Variants in RNLS observed in about 807,000 individuals in gnomAD.
RNLS encodes renalase.
Under a neutral mutation model 39.8 loss-of-function variants are expected in RNLS, and 39 were observed. The observed-to-expected ratio is 0.98, with a 90% CI of 0.76 to 1.28. RNLS has a LOEUF of 1.28. Among genes scored for constraint, RNLS ranks in the 50% most tolerant of loss-of-function variants. RNLS has a pLI of 0.00. For synonymous variants in RNLS, 147 were observed against 150.7 expected, an observed-to-expected ratio of 0.98 and a Z score of 0.18; for missense variants, 410 against 413.3, an observed-to-expected ratio of 0.99 and a Z score of 0.07.
At chr10:88,548,476 T>G (rs1267441328) in intron 4 of RNLS, among the ~76,000 whole-genome samples, 1 of 147,702 alleles carries the variant, frequency 6.8e-6, no homozygotes, top group Admixed American at 6.7e-5. Context: ...CTATCTCTAC[T>G]AAAAATACAA....
chr10:88,564,680 T>G (rs185748270), intron 4 of RNLS, among the ~76,000 whole-genome samples: 2 of 152,098 alleles, frequency 1.3e-5, no homozygotes, highest in Non-Finnish European at 1.5e-5. Flanking sequence ...TAGCATTACT[T>G]TGAGGATTAA....
intron 4 of RNLS, among the ~76,000 whole-genome samples, chr10:88,460,397 C>T (rs1405651045): frequency 6.6e-6 from 1 of 152,128 alleles, no homozygotes; most frequent in Non-Finnish European, 1.5e-5. Flanking sequence ...GTCTCCTACT[C>T]ATCCTTTAGT....
chr10:88,482,498 T>C (rs1185454586), intron 4 of RNLS, among the ~76,000 whole-genome samples: 1 of 152,186 alleles, frequency 6.6e-6, no homozygotes. Flanking sequence ...TTTAATTCTT[T>C]TTTCTTTTTA....
chr10:88,315,038 T>C (rs1845653928), intron 5 of RNLS, among the ~76,000 whole-genome samples: 3 of 152,208 alleles, frequency 2.0e-5, no homozygotes, highest in African/African-American at 7.2e-5. Context: ...GAGAACAAAG[T>C]ATATATTCAA....
At chr10:88,271,977 C>T (rs1842661853), downstream of RNLS, among the ~76,000 whole-genome samples, 1 of 152,118 alleles carries the variant, frequency 6.6e-6, no homozygotes, top group Admixed American at 6.6e-5. Context: ...GAGACTTTAC[C>T]ATCTGTGCAA....
At chr10:88,295,640 A>C (rs1844035152) in intron 6 of RNLS, among the ~76,000 whole-genome samples, 1 of 152,160 alleles carries the variant, frequency 6.6e-6, no homozygotes, top group Admixed American at 6.6e-5. Flanking sequence ...TGAAGAAAGC[A>C]ATGTGGTTTG....
chr10:88,348,745 A>G (rs974177047), intron 5 of RNLS, among the ~76,000 whole-genome samples: 1 of 152,182 alleles, frequency 6.6e-6, no homozygotes, highest in Non-Finnish European at 1.5e-5. Context: ...TAAATGTTCC[A>G]TAGCCCTCAT....
chr10:88,178,586 T>G, the RNLS span, among the ~76,000 whole-genome samples: 1 of 152,246 alleles, frequency 6.6e-6, no homozygotes, highest in Non-Finnish European at 1.5e-5. Flanking sequence ...TTTGCTTCCC[T>G]CTCTATGCTG....
intron 4 of RNLS, among the ~76,000 whole-genome samples, chr10:88,485,671 C>G (rs1305904576): frequency 1.3e-5 from 2 of 148,702 alleles, no homozygotes; most frequent in Admixed American, 1.3e-4. Flanking sequence ...CGAATATGAG[C>G]CATTTGCAGT....
At chr10:88,386,919 A>C (rs1851892741) in intron 4 of RNLS, among the ~76,000 whole-genome samples, 1 of 152,238 alleles carries the variant, frequency 6.6e-6, no homozygotes. Flanking sequence ...TGTAAAGCCC[A>C]GTGAGGTTCC....
At chr10:88,548,865 A>C (rs1474869051) in intron 4 of RNLS, among the ~76,000 whole-genome samples, 3 of 152,062 alleles carry the variant, frequency 2.0e-5, no homozygotes, top group Non-Finnish European at 4.4e-5. Flanking sequence ...CAAAACTGTC[A>C]CATTATAACA....
At chr10:88,234,648 C>T in the RNLS span, among the ~76,000 whole-genome samples, 1 of 152,132 alleles carries the variant, frequency 6.6e-6, no homozygotes, top group Non-Finnish European at 1.5e-5. Flanking sequence ...GGTTCAACAC[C>T]CTGTGCTCAG....
At position 88,443,035 on chromosome 10, in the gene RNLS, T is replaced by A. The variant is rs563622697; in HGVS notation, c.527-80310A>T. On this transcript the variant is annotated intron_variant, in intron 4 of 6. Transcript: ENST00000331772. The stretch of plus-strand genomic sequence containing the variant: ...ATGACTTTAGAAACTTCAGTCTCAT[T>A]TTCCCTCTCAACTTCCACATCCAAC... Among the ~76,000 whole-genome samples the A allele has an allele frequency of 4.7e-4, 71 of 152,298 alleles. 2 individuals are homozygous for A. The South Asian group carries it at 0.014, about 29-fold the overall frequency.
chr10:88,436,546 G>T (rs527286639), intron 4 of RNLS, among the ~76,000 whole-genome samples: 60 of 152,226 alleles, frequency 3.9e-4, no homozygotes, highest in African/African-American at 1.4e-3. Flanking sequence ...CATTTAATAT[G>T]TATATTGGGA....
chr10:88,500,768 T>G (rs1428805013), intron 4 of RNLS, among the ~76,000 whole-genome samples: 2 of 152,044 alleles, frequency 1.3e-5, no homozygotes, highest in African/African-American at 4.8e-5. Context: ...CTCCAAAAAG[T>G]TTGGCTTGGT....
chr10:88,232,822 A>G, the RNLS span, among the ~76,000 whole-genome samples: 1 of 150,270 alleles, frequency 6.7e-6, no homozygotes, highest in East Asian at 1.9e-4. Flanking sequence ...TCTAAGTCTC[A>G]GGCTCAAGTA....
At chr10:88,181,792 A>AT in the RNLS span, among the ~76,000 whole-genome samples, 1 of 152,072 alleles carries the variant, frequency 6.6e-6, no homozygotes, top group Non-Finnish European at 1.5e-5. Flanking sequence ...GGTTCTAGCT[A>AT]TTTGGTTTCT....
chr10:88,190,322 T>C, the RNLS span, among the ~76,000 whole-genome samples: 2,655 of 152,316 alleles, frequency 0.017, 86 homozygotes, highest in African/African-American at 0.06. Context: ...TTGAGCCACA[T>C]TTGAATCCTT....
intron 4 of RNLS, among the ~76,000 whole-genome samples, chr10:88,382,630 G>A (rs1851614652): frequency 6.6e-6 from 1 of 152,096 alleles, no homozygotes; most frequent in Non-Finnish European, 1.5e-5. Flanking sequence ...TAGCTTTTTG[G>A]TGAGAACAGT....
Sources: gnomAD v4.1 joint callset for allele counts (sites outside exome capture counted in the v4.1 genomes callset) on GRCh38, gnomAD v4.1.1 for gene constraint, MANE v1.5 for transcripts, NCBI Gene and HGNC (gene_info 2026-07-23, HGNC 2026-07-21) for gene names.